PABPC4L: variants seen among roughly 807,000 people sequenced by gnomAD.
PABPC4L encodes the protein poly(A) binding protein cytoplasmic 4 like.
For missense variants in PABPC4L, 452 were observed against 451.4 expected (o/e 1.00, Z -0.01); for synonymous variants, 169 against 164.1 (o/e 1.03, Z -0.23).
chr4:134,094,378 A>T, the PABPC4L span, among the ~76,000 whole-genome samples: 1 of 151,850 alleles, frequency 6.6e-6, no homozygotes, highest in South Asian at 2.1e-4. Context: ...TGATACTAAA[A>T]CTCTATGTCT....
At chr4:134,010,643 A>G in the PABPC4L span, 1 of 152,160 alleles carries the variant, frequency 6.6e-6, no homozygotes, top group East Asian at 1.9e-4. Context: ...CTAGGGCTGG[A>G]TGCAGAATTC....
At chr4:134,044,733 T>C in the PABPC4L span, among the ~76,000 whole-genome samples, 1 of 152,206 alleles carries the variant, frequency 6.6e-6, no homozygotes, top group Non-Finnish European at 1.5e-5. Flanking sequence ...AAGCTGAATG[T>C]TATCAAATAT....
At chr4:134,105,103 T>C in the PABPC4L span, among the ~76,000 whole-genome samples, 2 of 151,790 alleles carry the variant, frequency 1.3e-5, no homozygotes, top group African/African-American at 4.8e-5. Flanking sequence ...TCTCTGTCAA[T>C]GAATCACAGT....
the PABPC4L span, among the ~76,000 whole-genome samples, chr4:133,958,908 T>A: frequency 6.6e-6 from 1 of 152,144 alleles, no homozygotes; most frequent in African/African-American, 2.4e-5. Flanking sequence ...GAGAAGAAAC[T>A]AAACAAACAG....
At chr4:134,015,939 T>C in the PABPC4L span, among the ~76,000 whole-genome samples, 5 of 152,302 alleles carry the variant, frequency 3.3e-5, no homozygotes, top group Non-Finnish European at 7.4e-5. Flanking sequence ...ATATACTTTC[T>C]GCTTCCTGGC....
chr4:134,078,258 C>T, the PABPC4L span, among the ~76,000 whole-genome samples: 2 of 152,058 alleles, frequency 1.3e-5, no homozygotes, highest in African/African-American at 4.8e-5. Context: ...TAACATATTC[C>T]CTGAACTTTT....
the PABPC4L span, among the ~76,000 whole-genome samples, chr4:134,127,356 G>A: frequency 1.3e-5 from 2 of 151,948 alleles, no homozygotes; most frequent in South Asian, 2.1e-4. Flanking sequence ...CACAAAACCA[G>A]TGTACTAAAC....
chr4:134,103,089 G>A, the PABPC4L span, among the ~76,000 whole-genome samples: 3 of 151,366 alleles, frequency 2.0e-5, no homozygotes, highest in Non-Finnish European at 4.4e-5. Flanking sequence ...CCAGGTGTGG[G>A]CCGATACTTA....
chr4:134,049,620 A>G, the PABPC4L span, among the ~76,000 whole-genome samples: 1 of 152,194 alleles, frequency 6.6e-6, no homozygotes, highest in East Asian at 1.9e-4. Context: ...TGTTGAAAAT[A>G]GCTATAATGT....
chr4:133,986,697 T>C, the PABPC4L span, among the ~76,000 whole-genome samples: 1 of 151,668 alleles, frequency 6.6e-6, no homozygotes, highest in Non-Finnish European at 1.5e-5. Context: ...AGATGTGCCT[T>C]CATAATTCTG....
chr4:134,035,725 G>A, the PABPC4L span, among the ~76,000 whole-genome samples: 1 of 151,762 alleles, frequency 6.6e-6, no homozygotes, highest in Non-Finnish European at 1.5e-5. Context: ...TTATTTTCTG[G>A]ACATAGGCTC....
chr4:134,107,968 G>A, the PABPC4L span, among the ~76,000 whole-genome samples: 120 of 151,436 alleles, frequency 7.9e-4, no homozygotes, highest in African/African-American at 2.5e-3. Context: ...ATATGACATG[G>A]AAATTGATTA....
At chr4:134,047,589 C>G in the PABPC4L span, among the ~76,000 whole-genome samples, 1 of 152,118 alleles carries the variant, frequency 6.6e-6, no homozygotes, top group Non-Finnish European at 1.5e-5. Flanking sequence ...TTTATGCTCT[C>G]AGGGCTCTGC....
At chr4:133,951,777 C>A in the PABPC4L span, among the ~76,000 whole-genome samples, 3 of 152,054 alleles carry the variant, frequency 2.0e-5, no homozygotes, top group Middle Eastern at 3.4e-3. Context: ...AAGGGTAACC[C>A]CATTAAGTTA....
At chr4:134,140,645 T>C in the PABPC4L span, among the ~76,000 whole-genome samples, 1 of 151,834 alleles carries the variant, frequency 6.6e-6, no homozygotes, top group South Asian at 2.1e-4. Context: ...AGTAGATAAA[T>C]GTAGGGATTT....
chr4:134,106,324 A>T, the PABPC4L span, among the ~76,000 whole-genome samples: 2 of 151,698 alleles, frequency 1.3e-5, no homozygotes, highest in African/African-American at 4.8e-5. Flanking sequence ...AGAATGATTT[A>T]GGGAAATAAT....
chr4:134,078,636 A>G, the PABPC4L span, among the ~76,000 whole-genome samples: 1 of 145,328 alleles, frequency 6.9e-6, no homozygotes, highest in Non-Finnish European at 1.5e-5. Context: ...TTCAGCATAG[A>G]GATAAGTTTT....
At chr4:134,066,158 G>C in the PABPC4L span, among the ~76,000 whole-genome samples, 1 of 151,976 alleles carries the variant, frequency 6.6e-6, no homozygotes, top group Non-Finnish European at 1.5e-5. Flanking sequence ...ATGGTAAATT[G>C]ATGGGAAAGT....
chr4:134,005,801 T>G, the PABPC4L span, among the ~76,000 whole-genome samples: 9 of 151,890 alleles, frequency 5.9e-5, no homozygotes, highest in African/African-American at 2.2e-4. Context: ...CTGTGAAAGT[T>G]GGCTTCTCAG....
Sources: gnomAD v4.1 joint callset for allele counts (sites outside exome capture counted in the v4.1 genomes callset) on GRCh38, gnomAD v4.1.1 for gene constraint, MANE v1.5 for transcripts, NCBI Gene and HGNC (gene_info 2026-07-23, HGNC 2026-07-21) for gene names.